Variants in DHX32 observed in about 807,000 individuals in gnomAD.
DHX32 encodes putative pre-mRNA-splicing factor ATP-dependent RNA helicase DHX32.
Under a neutral mutation model 70.0 loss-of-function variants are expected in DHX32, and 51 were observed. That is an observed-to-expected ratio of 0.73 (90% CI 0.58 to 0.92). The LOEUF (loss-of-function observed/expected upper bound fraction) is 0.92, where lower values mean the gene tolerates loss of function less well. DHX32 is among the 40% of genes least tolerant of loss of function. The probability of loss-of-function intolerance (pLI) is 0.00; values close to 1 mark genes in which losing one functional copy is unlikely to be tolerated. For synonymous variants in DHX32, 310 were observed against 315.3 expected, an observed-to-expected ratio of 0.98 and a Z score of 0.18; for missense variants, 762 against 891.8, an observed-to-expected ratio of 0.85 and a Z score of 1.85.
intron 1 of DHX32, among the ~76,000 whole-genome samples, chr10:125,889,656 T>G (rs1323421529): frequency 1.3e-5 from 2 of 152,252 alleles, no homozygotes; most frequent in African/African-American, 4.8e-5. Flanking sequence ...TGCAAACCAG[T>G]AAGTCTGCAC....
intron 2 of DHX32, among the ~76,000 whole-genome samples, chr10:125,861,217 A>G (rs116930927): frequency 0.016 from 2,505 of 152,018 alleles, 33 homozygotes; most frequent in South Asian, 0.033. Context: ...CCCAGAACTG[A>G]TAAAGAGTAG....
intron 1 of DHX32, among the ~76,000 whole-genome samples, chr10:125,872,448 T>C (rs1283241788): frequency 6.6e-6 from 1 of 152,214 alleles, no homozygotes; most frequent in Non-Finnish European, 1.5e-5. Context: ...ACTGAGTACT[T>C]AGCAAAAGTT....
chr10:125,869,131 C>T (rs1014612924), intron 1 of DHX32, among the ~76,000 whole-genome samples: 1 of 152,134 alleles, frequency 6.6e-6, no homozygotes, highest in Admixed American at 6.5e-5. Context: ...ATTTTGCCTC[C>T]TTTATTCCTT....
At chr10:125,838,058 AG>A in intron 10 of DHX32, 147 bp downstream of exon 10, 1 of 657,276 alleles carries the variant, frequency 1.5e-6, no homozygotes, top group Non-Finnish European at 2.5e-6. Flanking sequence ...TCATCCACAG[AG>A]GCCTGCCCTT....
At chr10:125,885,389 A>G, upstream of DHX32, among the ~76,000 whole-genome samples, 1 of 152,150 alleles carries the variant, frequency 6.6e-6, no homozygotes, top group East Asian at 1.9e-4. Flanking sequence ...ATTATCCTGG[A>G]CGATCCTGGT....
chr10:125,840,804 A>G (rs1212139955), intron 8 of DHX32, 43 bp downstream of exon 8: 1 of 1,529,728 alleles, frequency 6.5e-7, no homozygotes, highest in East Asian at 2.3e-5. Flanking sequence ...TATCTAGGGA[A>G]AGGAAGGTGG....
intron 1 of DHX32, 146 bp from the exon 2 acceptor site, chr10:125,867,329 ACT>A (rs1427117992): frequency 3.0e-6 from 2 of 659,538 alleles, no homozygotes; most frequent in African/African-American, 3.6e-5. Flanking sequence ...ACTTAGTGAA[ACT>A]CTGAACAATA....
intron 6 of DHX32, among the ~76,000 whole-genome samples, chr10:125,844,529 T>C (rs1231338105): frequency 2.0e-5 from 3 of 152,232 alleles, no homozygotes; most frequent in Non-Finnish European, 2.9e-5. Context: ...TTTTATTATA[T>C]TAGAAAGAAT....
chr10:125,864,457 G>A (rs1944207263), intron 2 of DHX32, among the ~76,000 whole-genome samples: 1 of 152,140 alleles, frequency 6.6e-6, no homozygotes, highest in South Asian at 2.1e-4. Flanking sequence ...TACACAGATT[G>A]AAACTAATAC....
intron 3 of DHX32, 133 bp from the exon 4 acceptor site, chr10:125,854,336 C>T: frequency 1.3e-6 from 1 of 774,654 alleles, no homozygotes; most frequent in African/African-American, 1.8e-5. Context: ...GTGTTGCTGC[C>T]TACATGTATC....
intron 10 of DHX32, among the ~76,000 whole-genome samples, chr10:125,837,780 G>C (rs1226698391): frequency 1.3e-5 from 2 of 152,186 alleles, no homozygotes; most frequent in Non-Finnish European, 2.9e-5. Flanking sequence ...ACTGCACTTA[G>C]ATAAAATATA....
At chr10:125,880,217 C>T (rs770174184) in intron 1 of DHX32, among the ~76,000 whole-genome samples, 8 of 152,084 alleles carry the variant, frequency 5.3e-5, no homozygotes, top group African/African-American at 9.7e-5. Flanking sequence ...GGAAATAACA[C>T]GCATCACATC....
intron 4 of DHX32, 106 bp downstream of exon 4, chr10:125,853,855 G>C: frequency 7.2e-7 from 1 of 1,393,428 alleles, no homozygotes; most frequent in Non-Finnish European, 9.6e-7. Context: ...GAATCCCCAG[G>C]TCACATAGTT....
At chr10:125,852,696 C>CTACTGAA in intron 4 of DHX32, 54 bp from the exon 5 acceptor site, 1 of 1,486,124 alleles carries the variant, frequency 6.7e-7, no homozygotes, top group Non-Finnish European at 9.2e-7. Context: ...ATTCAGTAGG[C>CTACTGAA]TCACTGATCC....
intron 1 of DHX32, among the ~76,000 whole-genome samples, chr10:125,895,174 C>T (rs542295623): frequency 6.6e-6 from 1 of 152,352 alleles, no homozygotes; most frequent in Non-Finnish European, 1.5e-5. Flanking sequence ...GTTTCCATCA[C>T]AGAATATATG....
chr10:125,856,132 A>T (rs375154618), intron 3 of DHX32, among the ~76,000 whole-genome samples: 7 of 152,342 alleles, frequency 4.6e-5, no homozygotes, highest in Admixed American at 2.0e-4. Flanking sequence ...CATTTTGTTT[A>T]TTCATTTCCT....
At chr10:125,841,593 A>G in intron 7 of DHX32, 150 bp downstream of exon 7, 12 of 1,446,670 alleles carry the variant, frequency 8.3e-6, no homozygotes, top group Non-Finnish European at 1.1e-5. Context: ...CTAACCTATT[A>G]AAATACCTCA....
Position 125,840,731 on chromosome 10 carries a change from C to A in DHX32, c.1693+116G>T, listed in dbSNP as rs76410456. The A allele has an allele frequency of 3.0e-3, 3,553 of 1,190,860 alleles. 90 individuals are homozygous for A. The African/African-American group carries it at 0.049, about 17-fold the overall frequency. The allele number at this position is 1,190,860 out of a possible 1,614,324, so 73.8% of individuals were successfully genotyped here. A position where few individuals can be genotyped will look rare whatever the true frequency, so the allele number is the denominator to read the frequency against. On this transcript the variant is annotated intron_variant, in intron 8 of 10. Coordinates refer to ENST00000284690, the MANE Select transcript of DHX32 (RefSeq NM_018180.3). Reference sequence around the variant, plus strand: ...GCGTTTAGGGCCTCAAGTGCCATTGCATTCAAGTGGCCAGTAGGGCTGGCG... The same window carrying A: ...GCGTTTAGGGCCTCAAGTGCCATTGAATTCAAGTGGCCAGTAGGGCTGGCG...
intron 3 of DHX32, among the ~76,000 whole-genome samples, chr10:125,859,020 G>C (rs1944165780): frequency 6.7e-6 from 1 of 148,582 alleles, no homozygotes; most frequent in Non-Finnish European, 1.5e-5. Flanking sequence ...CTGAGTTAAA[G>C]GTTTTTTTTT....
Sources: gnomAD v4.1 joint callset for allele counts (sites outside exome capture counted in the v4.1 genomes callset) on GRCh38, gnomAD v4.1.1 for gene constraint, MANE v1.5 for transcripts, NCBI Gene and HGNC (gene_info 2026-07-23, HGNC 2026-07-21) for gene names.